MMP16: variants seen among roughly 807,000 people sequenced by gnomAD.
MMP16 encodes the protein matrix metallopeptidase 16.
MMP16 carries 12 observed loss-of-function variants against 67.8 expected under a neutral mutation model. The observed-to-expected ratio is 0.18, with a 90% CI of 0.11 to 0.29. MMP16 has a LOEUF of 0.29. MMP16 is among the 10% of genes least tolerant of loss of function. MMP16 has a pLI of 1.00. For synonymous variants in MMP16, 249 were observed against 255.9 expected, an observed-to-expected ratio of 0.97 and a Z score of 0.26; for missense variants, 475 against 765.7, an observed-to-expected ratio of 0.62 and a Z score of 4.48.
intron 4 of MMP16, among the ~76,000 whole-genome samples, chr8:88,131,272 C>CACACAT (rs2118473368): frequency 6.6e-6 from 1 of 150,994 alleles, no homozygotes; most frequent in African/African-American, 2.4e-5. Flanking sequence ...GTATTATACA[C>CACACAT]ACACACACAC....
intron 1 of MMP16, among the ~76,000 whole-genome samples, chr8:88,248,471 A>T (rs1336644152): frequency 6.6e-6 from 1 of 152,088 alleles, no homozygotes; most frequent in Non-Finnish European, 1.5e-5. Flanking sequence ...TGTAAAAAAA[A>T]GTTTAAGAGA....
chr8:88,249,272 G>A (rs959343612), intron 1 of MMP16, among the ~76,000 whole-genome samples: 2 of 152,002 alleles, frequency 1.3e-5, no homozygotes, highest in African/African-American at 4.8e-5. Flanking sequence ...CACAAAATTT[G>A]GAAGCCAGAG....
intron 1 of MMP16, among the ~76,000 whole-genome samples, chr8:88,265,110 G>A (rs1457315982): frequency 6.6e-6 from 1 of 151,642 alleles, no homozygotes; most frequent in Non-Finnish European, 1.5e-5. Flanking sequence ...ATCCTTTTAC[G>A]TTACTGCAGA....
At chr8:88,266,715 A>G (rs902288321) in intron 1 of MMP16, among the ~76,000 whole-genome samples, 3 of 149,606 alleles carry the variant, frequency 2.0e-5, no homozygotes, top group Non-Finnish European at 4.4e-5. Flanking sequence ...AAAACACAGA[A>G]AAAAAAAATG....
chr8:88,300,956 G>A (rs924724545), intron 1 of MMP16, among the ~76,000 whole-genome samples: 1 of 152,118 alleles, frequency 6.6e-6, no homozygotes, highest in Non-Finnish European at 1.5e-5. Flanking sequence ...GGAAGACAAA[G>A]TTTATAATTT....
intron 6 of MMP16, among the ~76,000 whole-genome samples, chr8:88,109,582 G>A (rs964112291): frequency 6.6e-6 from 1 of 151,094 alleles, no homozygotes; most frequent in African/African-American, 2.4e-5. Flanking sequence ...GGTCAACAGT[G>A]GCACATTCAC....
At chr8:88,297,688 G>A (rs1811034567) in intron 1 of MMP16, among the ~76,000 whole-genome samples, 1 of 152,192 alleles carries the variant, frequency 6.6e-6, no homozygotes, top group Non-Finnish European at 1.5e-5. Context: ...GAGGCAGACT[G>A]TCAGGAATCC....
chr8:88,121,065 C>T (rs147497779), intron 4 of MMP16, among the ~76,000 whole-genome samples: 1 of 145,406 alleles, frequency 6.9e-6, no homozygotes, highest in East Asian at 2.0e-4. Flanking sequence ...TAGTCTCTTG[C>T]TCTCAGTTTT....
At chr8:88,087,004 C>T (rs1002494950) in intron 6 of MMP16, among the ~76,000 whole-genome samples, 2 of 151,770 alleles carry the variant, frequency 1.3e-5, no homozygotes, top group African/African-American at 4.9e-5. Flanking sequence ...AAATCTTTTG[C>T]TTGGCCAGGA....
chr8:88,034,746 G>A lies in MMP16; in HGVS notation c.*6715C>T, dbSNP rs915381600. 3 of 151,874 alleles carry A rather than the reference G, an allele frequency of 2.0e-5. No individual in the cohort carries two copies. The highest frequency in any genetic ancestry group is 4.2e-4 in the South Asian group (2 of 4,818). 9.4% of individuals were successfully genotyped at this position (151,874 alleles called of 1,614,324 possible). A position where few individuals can be genotyped will look rare whatever the true frequency, so the allele number is the denominator to read the frequency against. ...CAGGTTCAAATTGGCATTATGTAAC[G>A]GCAAATGAAACATGCATCCTAGTGA... On this transcript the variant is annotated 3_prime_UTR_variant, in exon 10 of 10. Transcript: ENST00000286614.
At chr8:88,247,450 C>T (rs889163156) in intron 1 of MMP16, among the ~76,000 whole-genome samples, 23 of 152,044 alleles carry the variant, frequency 1.5e-4, no homozygotes, top group Non-Finnish European at 2.9e-4. Flanking sequence ...GGAGGAAACA[C>T]GTGGCACGTT....
chr8:88,168,726 T>C (rs992955855), intron 3 of MMP16, among the ~76,000 whole-genome samples: 1 of 152,162 alleles, frequency 6.6e-6, no homozygotes, highest in African/African-American at 2.4e-5. Flanking sequence ...ATGGAACTAG[T>C]ATTTGTATTT....
chr8:88,218,719 G>A (rs1044606228), intron 1 of MMP16, among the ~76,000 whole-genome samples: 1 of 151,916 alleles, frequency 6.6e-6, no homozygotes, highest in African/African-American at 2.4e-5. Flanking sequence ...TTAATGTCAA[G>A]AATCCTTCCA....
chr8:88,118,248 A>G (rs1315707156), intron 5 of MMP16, among the ~76,000 whole-genome samples: 1 of 152,170 alleles, frequency 6.6e-6, no homozygotes, highest in Non-Finnish European at 1.5e-5. Flanking sequence ...GTGGGCCTTC[A>G]AAAGTGTTTT....
intron 4 of MMP16, among the ~76,000 whole-genome samples, chr8:88,143,607 T>C (rs1186204615): frequency 6.6e-6 from 1 of 152,018 alleles, no homozygotes; most frequent in African/African-American, 2.4e-5. Flanking sequence ...GCCACAAACT[T>C]GCAAAGGAAG....
At chr8:88,227,037 A>G (rs1357437455) in intron 1 of MMP16, among the ~76,000 whole-genome samples, 1 of 152,022 alleles carries the variant, frequency 6.6e-6, no homozygotes, top group Non-Finnish European at 1.5e-5. Flanking sequence ...AAAGTGATCT[A>G]GAGAGTGAGC....
intron 1 of MMP16, among the ~76,000 whole-genome samples, chr8:88,206,399 T>C (rs956239129): frequency 6.6e-6 from 1 of 152,284 alleles, no homozygotes; most frequent in Non-Finnish European, 1.5e-5. Context: ...GTTCTCCCCA[T>C]GTTTGTGTGA....
intron 1 of MMP16, among the ~76,000 whole-genome samples, chr8:88,200,397 A>G (rs889156579): frequency 1.3e-5 from 2 of 152,044 alleles, no homozygotes; most frequent in Non-Finnish European, 2.9e-5. Context: ...GACTTACCCC[A>G]TCTCATTATC....
At chr8:88,259,713 T>G (rs989636667) in intron 1 of MMP16, among the ~76,000 whole-genome samples, 1 of 152,166 alleles carries the variant, frequency 6.6e-6, no homozygotes, top group Non-Finnish European at 1.5e-5. Flanking sequence ...ACTGATTCCA[T>G]TAAATACTAT....
Sources: allele counts gnomAD v4.1 joint callset (sites outside exome capture counted in the v4.1 genomes callset), GRCh38; gene constraint gnomAD v4.1.1; transcripts MANE v1.5; gene names NCBI Gene and HGNC (gene_info 2026-07-23, HGNC 2026-07-21).